Variants in ROBO2 observed in about 807,000 individuals in gnomAD.
ROBO2 encodes roundabout homolog 2.
ROBO2 carries 53 observed loss-of-function variants against 160.8 expected under a neutral mutation model. The observed-to-expected ratio is 0.33, with a 90% confidence interval of 0.26 to 0.41. ROBO2 has a LOEUF of 0.41. ROBO2 is among the 10% of genes least tolerant of loss of function. The pLI is 1.00. For synonymous variants in ROBO2, 664 were observed against 611.7 expected (o/e 1.09, Z -1.26); for missense variants, 1,577 against 1,722.4 (o/e 0.92, Z 1.49).
intron 2 of ROBO2, among the ~76,000 whole-genome samples, chr3:76,521,344 T>C (rs2081607323): frequency 6.6e-6 from 1 of 152,114 alleles, no homozygotes; most frequent in South Asian, 2.1e-4. Context: ...CCACCGCGCC[T>C]GGCCCAACAA....
intron 2 of ROBO2, among the ~76,000 whole-genome samples, chr3:76,034,334 C>T (rs1025520333): frequency 2.0e-5 from 3 of 152,156 alleles, no homozygotes; most frequent in Non-Finnish European, 2.9e-5. Flanking sequence ...TAATCTCCTT[C>T]TCCTCAAGTA....
intron 2 of ROBO2, among the ~76,000 whole-genome samples, chr3:76,881,582 G>C (rs116326814): frequency 1.3e-5 from 2 of 151,926 alleles, no homozygotes; most frequent in Admixed American, 6.6e-5. Context: ...ATCAACATAA[G>C]GACATATATC....
chr3:76,626,949 C>T (rs1284312034), intron 2 of ROBO2, among the ~76,000 whole-genome samples: 1 of 152,146 alleles, frequency 6.6e-6, no homozygotes, highest in Non-Finnish European at 1.5e-5. Flanking sequence ...CTCGGCCTCC[C>T]AAAGTGCTGG....
intron 2 of ROBO2, among the ~76,000 whole-genome samples, chr3:76,597,585 T>TA (rs1257068864): frequency 1.3e-5 from 2 of 151,936 alleles, no homozygotes; most frequent in African/African-American, 2.4e-5. Context: ...ATAGCTAAAA[T>TA]AAAAAAACAG....
chr3:77,010,291 A>G (rs1056880450), intron 2 of ROBO2, among the ~76,000 whole-genome samples: 2 of 151,936 alleles, frequency 1.3e-5, no homozygotes, highest in East Asian at 3.9e-4. Flanking sequence ...AGTCCTCAAC[A>G]CCCTCATCTT....
intron 2 of ROBO2, among the ~76,000 whole-genome samples, chr3:76,042,107 A>C (rs939605004): frequency 3.3e-5 from 5 of 151,890 alleles, no homozygotes; most frequent in African/African-American, 1.2e-4. Flanking sequence ...TCCAAACTTT[A>C]AATATGGTCA....
intron 2 of ROBO2, among the ~76,000 whole-genome samples, chr3:77,200,308 TATATA>T (rs1311053752): frequency 1.1e-5 from 1 of 87,892 alleles, no homozygotes; most frequent in South Asian, 3.3e-4. Flanking sequence ...TATATATATA[TATATA>T]TATATATATT....
intron 2 of ROBO2, among the ~76,000 whole-genome samples, chr3:76,262,023 CTTG>C (rs1185079480): frequency 6.6e-6 from 1 of 152,082 alleles, no homozygotes; most frequent in African/African-American, 2.4e-5. Flanking sequence ...GCAGAGCATG[CTTG>C]TTGTCACATT....
intron 2 of ROBO2, among the ~76,000 whole-genome samples, chr3:77,421,575 G>A (rs2077717452): frequency 6.6e-6 from 1 of 152,072 alleles, no homozygotes; most frequent in Admixed American, 6.6e-5. Flanking sequence ...ATAATTTCAG[G>A]AAAATTCTTT....
At chr3:76,676,440 T>C (rs1214432054) in intron 2 of ROBO2, among the ~76,000 whole-genome samples, 2 of 152,148 alleles carry the variant, frequency 1.3e-5, no homozygotes, top group East Asian at 3.9e-4. Context: ...TATAACTGCC[T>C]CTTCTTGGGC....
chr3:76,481,376 A>G (rs1394141133), intron 2 of ROBO2, among the ~76,000 whole-genome samples: 1 of 152,186 alleles, frequency 6.6e-6, no homozygotes, highest in Non-Finnish European at 1.5e-5. Context: ...TATAGAAGCC[A>G]GAGGAGGCAT....
At chr3:76,571,703 T>C (rs1290971332) in intron 2 of ROBO2, among the ~76,000 whole-genome samples, 1 of 152,178 alleles carries the variant, frequency 6.6e-6, no homozygotes, top group East Asian at 1.9e-4. Context: ...ACTGTTTAAG[T>C]TAAATTACAT....
rs990814896 is a variant in ROBO2 at position 76,439,418 on chromosome 3, G to A, written c.109+501816G>A. On this transcript the variant is annotated intron_variant, in intron 2 of 26. Coordinates refer to the ROBO2 transcript ENST00000487694. The stretch of plus-strand genomic sequence containing the variant: ...AATGTAAAATGGGATCCTGCTGAAG[G>A]TTACAAAGAAGAAGCATGAAGAGCT... 2.0e-5 allele frequency among the ~76,000 whole-genome samples: 3 copies of A among 151,114 alleles called. No homozygotes were observed. In the East Asian group the frequency reaches 5.9e-4, roughly 30 times the overall value.
intron 2 of ROBO2, among the ~76,000 whole-genome samples, chr3:76,567,752 T>TAC (rs1330436213): frequency 1.6e-5 from 2 of 123,004 alleles, no homozygotes; most frequent in Non-Finnish European, 3.4e-5. Flanking sequence ...TTTATATATA[T>TAC]ATATATCTGT....
At chr3:77,356,192 G>A (rs554088982) in intron 2 of ROBO2, among the ~76,000 whole-genome samples, 1 of 152,262 alleles carries the variant, frequency 6.6e-6, no homozygotes, top group African/African-American at 2.4e-5. Context: ...AAAAGAATGA[G>A]CTAGATCTCA....
intron 2 of ROBO2, among the ~76,000 whole-genome samples, chr3:76,185,216 ACACACACAAAGATGT>A (rs1448660195): frequency 4.8e-3 from 205 of 42,730 alleles, no homozygotes; most frequent in South Asian, 0.011. Flanking sequence ...ATATATATAT[ACACACACAAAGATGT>A]TATATATACA....
intron 2 of ROBO2, among the ~76,000 whole-genome samples, chr3:75,963,797 G>A (rs547190048): frequency 5.9e-5 from 9 of 151,818 alleles, no homozygotes; most frequent in African/African-American, 1.9e-4. Context: ...TGGCTTGTAG[G>A]TGGTTGCCTT....
intron 2 of ROBO2, among the ~76,000 whole-genome samples, chr3:76,945,404 G>C (rs372116504): frequency 1.8e-3 from 268 of 151,980 alleles, no homozygotes; most frequent in East Asian, 7.0e-3. Flanking sequence ...CTAAAATTTA[G>C]GGCATTTGTT....
At chr3:77,554,457 T>A (rs542664743) in intron 8 of ROBO2, among the ~76,000 whole-genome samples, 80 of 152,094 alleles carry the variant, frequency 5.3e-4, no homozygotes, top group African/African-American at 1.8e-3. Flanking sequence ...ATAGCTGCTG[T>A]AGACAGTAAT....
Sources: allele counts gnomAD v4.1 joint callset (sites outside exome capture counted in the v4.1 genomes callset), GRCh38; gene constraint gnomAD v4.1.1; transcripts MANE v1.5; gene names NCBI Gene and HGNC (gene_info 2026-07-23, HGNC 2026-07-21).